MYO3B: variants seen among roughly 807,000 people sequenced by gnomAD.
MYO3B encodes myosin IIIB, also known as myosin-IIIb.
In MYO3B, 156 loss-of-function variants were observed where a neutral mutation model predicts 174.6. The observed-to-expected ratio is 0.89, with a 90% CI of 0.78 to 1.02. The LOEUF is 1.02. Ranked by LOEUF, MYO3B falls within the 50% of genes least tolerant of loss-of-function variation. MYO3B has a pLI of 0.00. For missense variants in MYO3B, 1,632 were observed against 1,639.4 expected (o/e 1.00, Z 0.08); for synonymous variants, 563 against 569.1 (o/e 0.99, Z 0.15).
chr2:170,443,520 CT>C (rs1308947610), intron 22 of MYO3B, among the ~76,000 whole-genome samples: 1 of 152,022 alleles, frequency 6.6e-6, no homozygotes, highest in Non-Finnish European at 1.5e-5. Flanking sequence ...TCAATTTTGG[CT>C]TTTGTTGCCA....
At chr2:170,485,493 C>A (rs1010330971) in intron 25 of MYO3B, among the ~76,000 whole-genome samples, 1 of 151,910 alleles carries the variant, frequency 6.6e-6, no homozygotes, top group African/African-American at 2.4e-5. Context: ...GTGAACCACA[C>A]TTTTTATACC....
At position 170,490,230 on chromosome 2, in the gene MYO3B, A is replaced by G. The variant is rs530741290; in HGVS notation, c.3015-8362A>G. ...CTTTTAGTAGAGATGGGGTTTCACC[A>G]TGTTAGCCAGGATGGTCTCGATTTC... On this transcript the variant is annotated intron_variant, in intron 25 of 34. Transcript: ENST00000408978. 5.9e-5 allele frequency among the ~76,000 whole-genome samples: 9 copies of G among 152,094 alleles called. No homozygotes were observed. In the East Asian group the frequency reaches 9.7e-4, roughly 16 times the overall value.
At chr2:170,604,399 T>C (rs1383390277) in intron 32 of MYO3B, among the ~76,000 whole-genome samples, 1 of 152,238 alleles carries the variant, frequency 6.6e-6, no homozygotes, top group African/African-American at 2.4e-5. Flanking sequence ...ACTTATTTAT[T>C]CTATAATCTT....
In MYO3B at chr2:170,355,949, A is replaced by T. The variant is rs1472236425; in HGVS notation, c.816-13273A>T. On this transcript the variant is annotated intron_variant, in intron 8 of 34. Coordinates refer to ENST00000408978, the MANE Select transcript of MYO3B (RefSeq NM_138995.5). ...GCATCAGTTTATTTATTTATTTATT[A>T]TTTATTTATTTTTATTTTATTTTAT... 1.3e-5 allele frequency among the ~76,000 whole-genome samples: 2 copies of T among 151,098 alleles called. 1 individual carries two copies. Among genetic ancestry groups the T allele is most frequent in the Non-Finnish European group, 2.9e-5 (2 of 67,810 alleles).
chr2:170,418,407 T>C (rs2094594655), intron 22 of MYO3B, among the ~76,000 whole-genome samples: 1 of 152,244 alleles, frequency 6.6e-6, no homozygotes, highest in Non-Finnish European at 1.5e-5. Flanking sequence ...CTAAATTTTC[T>C]CTTTGCAAAA....
At chr2:170,222,362 G>A (rs1032082921) in intron 6 of MYO3B, among the ~76,000 whole-genome samples, 1 of 152,192 alleles carries the variant, frequency 6.6e-6, no homozygotes, top group African/African-American at 2.4e-5. Flanking sequence ...CTGTAATCAA[G>A]TAGTACAAAC....
intron 7 of MYO3B, among the ~76,000 whole-genome samples, chr2:170,308,436 T>TCA (rs996837132): frequency 8.8e-4 from 134 of 152,298 alleles, no homozygotes; most frequent in African/African-American, 2.8e-3. Flanking sequence ...TGGGTATTGA[T>TCA]CACAATATCC....
intron 3 of MYO3B, among the ~76,000 whole-genome samples, chr2:170,205,439 A>G (rs1426992990): frequency 6.6e-6 from 1 of 152,166 alleles, no homozygotes; most frequent in African/African-American, 2.4e-5. Flanking sequence ...CATGCTTGCA[A>G]TGCAAGAAAG....
intron 22 of MYO3B, among the ~76,000 whole-genome samples, chr2:170,420,043 TGTG>T (rs2094604928): frequency 6.6e-6 from 1 of 151,780 alleles, no homozygotes; most frequent in Non-Finnish European, 1.5e-5. Context: ...ATTAACTGGG[TGTG>T]GTGATGCATG....
Position 170,369,307 on chromosome 2 carries a change from C to T in MYO3B, c.901C>T (p.Leu301=). The change falls in exon 9 of 35, where the codon CTG becomes TTG. Residue 301 remains leucine (L), a synonymous_variant. Transcript: ENST00000408978. ...PFIKGVHGKV[L]FLQKQLAKVL... is the part of the protein sequence containing the mutation. ...TATTAAAGGAGTACATGGAAAAGTT[C>T]TGTTTCTGCAAAAACAGCTGGCCAA... The T allele has an allele frequency of 6.2e-7, 1 of 1,613,858 alleles. No individual in the cohort carries two copies. Among genetic ancestry groups the T allele is most frequent in the Middle Eastern group, 1.6e-4 (1 of 6,062 alleles).
chr2:170,495,603 G>T (rs981768878), intron 25 of MYO3B, among the ~76,000 whole-genome samples: 1 of 150,524 alleles, frequency 6.6e-6, no homozygotes, highest in Admixed American at 6.6e-5. Flanking sequence ...ACCCACAGAT[G>T]TCCGAAAAAT....
At chr2:170,428,750 A>G (rs2094685336) in intron 22 of MYO3B, among the ~76,000 whole-genome samples, 1 of 152,194 alleles carries the variant, frequency 6.6e-6, no homozygotes, top group African/African-American at 2.4e-5. Flanking sequence ...GAAGCTACAT[A>G]GCCACAAAGG....
chr2:170,208,528 A>G (rs1248509893), intron 3 of MYO3B, among the ~76,000 whole-genome samples: 1 of 152,186 alleles, frequency 6.6e-6, no homozygotes, highest in African/African-American at 2.4e-5. Flanking sequence ...CAGAACTAGA[A>G]TTTTGATCCA....
rs572433078 is a variant in MYO3B at position 170,487,050 on chromosome 2, A to G, written c.3015-11542A>G. On this transcript the variant is annotated intron_variant, in intron 25 of 34. Coordinates refer to ENST00000408978, the MANE Select transcript of MYO3B (RefSeq NM_138995.5). Reference sequence around the variant, plus strand: ...GTCCAGCCCCAGAGATTCTGATTCTATGTCTGGAGTGTGGCCCAGGAATCC... The same window carrying G: ...GTCCAGCCCCAGAGATTCTGATTCTGTGTCTGGAGTGTGGCCCAGGAATCC... Among the ~76,000 whole-genome samples, 36 of 152,324 alleles carry G rather than the reference A, an allele frequency of 2.4e-4. 1 individual carries two copies. Among genetic ancestry groups the G allele is most frequent in the African/African-American group, 7.5e-4 (31 of 41,576 alleles).
At chr2:170,631,333 G>A (rs1000511361) in intron 32 of MYO3B, among the ~76,000 whole-genome samples, 1 of 151,916 alleles carries the variant, frequency 6.6e-6, no homozygotes, top group Non-Finnish European at 1.5e-5. Flanking sequence ...AATGAAGTGA[G>A]AAGAGAAGTT....
intron 23 of MYO3B, among the ~76,000 whole-genome samples, chr2:170,446,905 T>C (rs939458300): frequency 3.3e-5 from 5 of 152,288 alleles, no homozygotes; most frequent in South Asian, 2.1e-4. Context: ...TTGTACAGAA[T>C]TATGACTGAA....
chr2:170,625,444 T>C (rs1371232196), intron 32 of MYO3B, among the ~76,000 whole-genome samples: 1 of 152,198 alleles, frequency 6.6e-6, no homozygotes, highest in Non-Finnish European at 1.5e-5. Flanking sequence ...GATTCTTCTC[T>C]CTTTTCTTCA....
At chr2:170,220,340 T>A (rs1474960508) in intron 6 of MYO3B, among the ~76,000 whole-genome samples, 1 of 150,242 alleles carries the variant, frequency 6.7e-6, no homozygotes, top group Non-Finnish European at 1.5e-5. Flanking sequence ...ATAAAATATG[T>A]GGAGTGTTGA....
intron 25 of MYO3B, among the ~76,000 whole-genome samples, chr2:170,469,516 A>G (rs1033291701): frequency 9.2e-5 from 14 of 152,060 alleles, no homozygotes; most frequent in African/African-American, 3.4e-4. Flanking sequence ...GGCATCTTCC[A>G]TTTCTTCTCA....
Sources: allele counts gnomAD v4.1 joint callset (sites outside exome capture counted in the v4.1 genomes callset), GRCh38; gene constraint gnomAD v4.1.1; transcripts MANE v1.5; gene names NCBI Gene and HGNC (gene_info 2026-07-23, HGNC 2026-07-21).